Variants in TP73 observed in about 807,000 individuals in gnomAD.
TP73 encodes p53-like transcription factor.
In TP73, 25 loss-of-function variants were observed where a neutral mutation model predicts 62.5. The observed-to-expected ratio is 0.40, with a 90% CI of 0.29 to 0.56. The LOEUF (loss-of-function observed/expected upper bound fraction) is 0.56, where lower values mean the gene tolerates loss of function less well. Ranked by LOEUF, TP73 falls within the 20% of genes least tolerant of loss-of-function variation. TP73 has a pLI of 0.46. For missense variants in TP73, 754 were observed against 913.3 expected (o/e 0.83, Z 2.25); for synonymous variants, 423 against 377.5 (o/e 1.12, Z -1.40).
intron 3 of TP73, among the ~76,000 whole-genome samples, chr1:3,700,431 G>A (rs1219319703): frequency 2.0e-5 from 3 of 151,812 alleles, no homozygotes; most frequent in Admixed American, 1.3e-4. Flanking sequence ...AGGCACTGTG[G>A]ATACCGGGAA....
At position 3,727,138 on chromosome 1, in the gene TP73, C is replaced by T. The variant is rs1356009406; in HGVS notation, c.756C>T (p.Ile252=). 2 of 1,611,976 alleles carry T rather than the reference C, an allele frequency of 1.2e-6. No homozygotes were observed. The highest frequency in any genetic ancestry group is 2.2e-5 in the East Asian group (1 of 44,888). The change falls in exon 7 of 14, where the codon ATC becomes ATT. Residue 252 remains isoleucine (I), a synonymous_variant. Transcript: ENST00000378295. ...PPQVGTEFTT[I]LYNFMCNSSC... is the part of the protein sequence containing the mutation. ...AGGTGGGGACGGAATTCACCACCAT[C>T]CTGTACAACTTCATGTGTAACAGCA... is the stretch of plus-strand genomic sequence containing the variant.
At chr1:3,708,859 G>C (rs1639893844) in intron 4 of TP73, among the ~76,000 whole-genome samples, 2 of 152,340 alleles carry the variant, frequency 1.3e-5, no homozygotes, top group Non-Finnish European at 2.9e-5. Context: ...CCACTGGGCA[G>C]CGTCCCCTCC....
intron 4 of TP73, among the ~76,000 whole-genome samples, chr1:3,715,781 G>A (rs1640545669): frequency 6.6e-6 from 1 of 152,168 alleles, no homozygotes; most frequent in Non-Finnish European, 1.5e-5. Flanking sequence ...GTCTCCTACT[G>A]GACCCCTGGG....
chr1:3,653,239 TG>T (rs1407771022), intron 1 of TP73, among the ~76,000 whole-genome samples: 5 of 152,328 alleles, frequency 3.3e-5, no homozygotes, highest in African/African-American at 1.2e-4. Context: ...GCTCTGAGTT[TG>T]TCTGTCGAGG....
chr1:3,729,309 C>A lies in TP73; in HGVS notation c.1075-18C>A, dbSNP rs1446134658. The A allele has an allele frequency of 1.2e-6, 2 of 1,612,862 alleles. No homozygotes were observed. Among genetic ancestry groups the A allele is most frequent in the Non-Finnish European group, 1.7e-6 (2 of 1,179,930 alleles). The stretch of plus-strand genomic sequence containing the variant: ...GGGTCTGGGGCACGTGGGCAGAGAT[C>A]TGCTCCTCTGTGCTCAGGTGCGAGG... On this transcript the variant is annotated intron_variant, in intron 9 of 13. Coordinates refer to ENST00000378295, the MANE Select transcript of TP73 (RefSeq NM_005427.4).
chr1:3,730,514 A>C (rs1642048160), intron 11 of TP73, among the ~76,000 whole-genome samples: 1 of 152,140 alleles, frequency 6.6e-6, no homozygotes, highest in African/African-American at 2.4e-5. Flanking sequence ...AGACCTCATC[A>C]GGGGCCCCAG....
In TP73 at chr1:3,707,731, A is replaced by G; in HGVS notation, c.369A>G (p.Gly123=). Residue 123 remains glycine, a synonymous_variant, in exon 4 of 14, where the codon GGA becomes GGG. Coordinates refer to ENST00000378295, the MANE Select transcript of TP73 (RefSeq NM_005427.4). ...TCCCCTCCAACACCGACTACCCCGG[A>G]CCCCACCACTTTGAGGTCACTTTCC... ...PVIPSNTDYP[G]PHHFEVTFQQ... 1 of 1,613,036 alleles carries G rather than the reference A, an allele frequency of 6.2e-7. No individual in the cohort carries two copies. Among genetic ancestry groups the G allele is most frequent in the East Asian group, 2.2e-5 (1 of 44,868 alleles).
chr1:3,709,742 G>A (rs774953273), intron 4 of TP73, among the ~76,000 whole-genome samples: 7 of 152,240 alleles, frequency 4.6e-5, no homozygotes, highest in Non-Finnish European at 7.3e-5. Flanking sequence ...CTGACCTCCT[G>A]CCCTGGGGTT....
rs550071589 is a variant in TP73 at position 3,710,367 on chromosome 1, C to T, written c.429+2576C>T. 2.3e-3 allele frequency among the ~76,000 whole-genome samples: 353 copies of T among 152,292 alleles called. 2 individuals carry two copies. Among genetic ancestry groups the T allele is most frequent in the African/African-American group, 7.3e-3 (303 of 41,562 alleles). Reference sequence around the variant, plus strand: ...AACCCCCTCCACCAGGGCTTCTTTCCTTGCCCAGGGAGGGGCAGGCAAGTG... The same window carrying T: ...AACCCCCTCCACCAGGGCTTCTTTCTTTGCCCAGGGAGGGGCAGGCAAGTG... On this transcript the variant is annotated intron_variant, in intron 4 of 13. Transcript: ENST00000378295.
intron 13 of TP73, 37 bp from the exon 14 acceptor site, chr1:3,732,710 C>T (rs1390363017): frequency 6.5e-7 from 1 of 1,532,056 alleles, no homozygotes; most frequent in African/African-American, 1.4e-5. Flanking sequence ...CTCCCTGCTC[C>T]ACTGCCCCCT....
chr1:3,726,492 GTGGATGGATGGGGTTGGTGGATGAA>G (rs1216588313), intron 6 of TP73, among the ~76,000 whole-genome samples: 2 of 148,924 alleles, frequency 1.3e-5, no homozygotes, highest in African/African-American at 2.5e-5. Context: ...GGATGGGTGG[GTGGATGGATGGGGTTGGTGGATGAA>G]TGGATGGATG....
At chr1:3,686,229 C>T (rs1165288096) in intron 3 of TP73, among the ~76,000 whole-genome samples, 6 of 152,222 alleles carry the variant, frequency 3.9e-5, no homozygotes, top group South Asian at 2.1e-4. Flanking sequence ...TGCAGTGGGG[C>T]GTGCCTTCCG....
In TP73 at chr1:3,682,370, C is replaced by G; in HGVS notation, c.5C>G (p.Ala2Gly). M[A>G]QSTATSPDGG... is the part of the protein sequence containing the mutation. The stretch of plus-strand genomic sequence containing the variant: ...TCGGAGGCCGGCGTGGGGAAGATGG[C>G]CCAGTCCACCGCCACCTCCCCTGAT... Residue 2 changes from alanine to glycine, a missense_variant, in exon 2 of 14, where the codon GCC becomes GGC. By Grantham distance (60) the Ala-to-Gly change is moderately conservative (BLOSUM62 0). Coordinates refer to ENST00000378295, the MANE Select transcript of TP73 (RefSeq NM_005427.4). 2 of 1,549,110 alleles carry G rather than the reference C, an allele frequency of 1.3e-6. No homozygotes were observed. The highest frequency in any genetic ancestry group is 1.7e-6 in the Non-Finnish European group (2 of 1,143,196).
chr1:3,719,790 G>A (rs1570593762), intron 4 of TP73, among the ~76,000 whole-genome samples: 1 of 152,208 alleles, frequency 6.6e-6, no homozygotes, highest in Non-Finnish European at 1.5e-5. Flanking sequence ...TGTACTTCCC[G>A]CTGTGCCCAA....
rs1570643785 is a variant in TP73 at position 3,729,357 on chromosome 1, A to G, written c.1105A>G (p.Met369Val). 6.2e-7 allele frequency: 1 copy of G among 1,613,274 alleles called. No individual in the cohort carries two copies. The highest frequency in any genetic ancestry group is 8.5e-7 in the Non-Finnish European group (1 of 1,179,984). ...AGGCCGGGAGAACTTTGAGATCCTG[A>G]TGAAGCTGAAAGAGAGCCTGGAGCT... Reference protein sequence around the residue: ...VRGRENFEILMKLKESLELME... With the variant: ...VRGRENFEILVKLKESLELME... Residue 369 changes from methionine to valine, a missense_variant, in exon 10 of 14, where the codon ATG (methionine) becomes GTG (valine). Met to Val is a conservative substitution (Grantham distance 21). Transcript: ENST00000378295.
Position 3,682,370 on chromosome 1 carries a change from C to T in TP73, c.5C>T (p.Ala2Val), listed in dbSNP as rs2102089513. The change falls in exon 2 of 14, where the codon GCC becomes GTC. Residue 2 changes from alanine (A) to valine (V), a missense_variant. Ala to Val is a moderately conservative substitution (Grantham distance 64). Around this residue, in one of 3 missense-constraint regions of TP73, gnomAD observed 235 missense variants for 251.4 expected, o/e 0.93. Coordinates refer to ENST00000378295, the MANE Select transcript of TP73 (RefSeq NM_005427.4). Reference sequence around the variant, plus strand: ...TCGGAGGCCGGCGTGGGGAAGATGGCCCAGTCCACCGCCACCTCCCCTGAT... The same window carrying T: ...TCGGAGGCCGGCGTGGGGAAGATGGTCCAGTCCACCGCCACCTCCCCTGAT... M[A>V]QSTATSPDGG... 2 of 1,549,110 alleles carry T rather than the reference C, an allele frequency of 1.3e-6. No homozygotes were observed.
intron 4 of TP73, among the ~76,000 whole-genome samples, chr1:3,710,199 C>A (rs56894081): frequency 2.2e-4 from 2 of 9,120 alleles, no homozygotes; most frequent in Non-Finnish European, 1.8e-4. Flanking sequence ...GATGCTGGGG[C>A]GGGGGGAGGG....
rs1645116925 is a variant in TP73 at position 3,666,522 on chromosome 1, T to TG, written c.-34+13885dup. On this transcript the variant is annotated intron_variant, in intron 1 of 13. Transcript: ENST00000378295. This position sits in a 1 kb window ranked among gnomAD's most constrained non-coding sequence, Gnocchi z 6.4. Reference sequence around the variant, plus strand: ...CCTGCTGGCAAATACTGAAGAGCTGTGGGGAGAAAGGAAGGGGTCTGACAG... The same window carrying TG: ...CCTGCTGGCAAATACTGAAGAGCTGTGGGGGAGAAAGGAAGGGGTCTGACAG... 6.6e-6 allele frequency among the ~76,000 whole-genome samples: 1 copy of TG among 152,026 alleles called. No individual in the cohort carries two copies. The highest frequency in any genetic ancestry group is 1.5e-5 in the Non-Finnish European group (1 of 68,010).
intron 3 of TP73, chr1:3,698,109 G>C (rs1490141476): frequency 1.0e-6 from 1 of 985,478 alleles, no homozygotes; most frequent in Admixed American, 6.1e-5. Context: ...CAGCACAGCA[G>C]GAGGCTGTTA....
Sources: allele counts gnomAD v4.1 joint callset (sites outside exome capture counted in the v4.1 genomes callset), GRCh38; gene constraint gnomAD v4.1.1; regional missense constraint gnomAD v4.1.1; non-coding constraint Gnocchi (gnomAD v3.1); transcripts MANE v1.5; gene names NCBI Gene and HGNC (gene_info 2026-07-23, HGNC 2026-07-21).